Variants in FRMD6 observed in about 807,000 individuals in gnomAD.
FRMD6 encodes the protein FERM domain-containing protein 6.
In FRMD6, 37 loss-of-function variants were observed where a neutral mutation model predicts 73.2. That is an observed-to-expected ratio of 0.51 (90% confidence interval 0.39 to 0.66). The LOEUF is 0.66. Ranked by LOEUF, FRMD6 falls within the 30% of genes least tolerant of loss-of-function variation. FRMD6 has a pLI of 0.00. For synonymous variants in FRMD6, 273 were observed against 282.2 expected (o/e 0.97, Z 0.33); for missense variants, 714 against 780.5 (o/e 0.91, Z 1.02).
rs188437646 is a variant in FRMD6 at position 51,521,505 on chromosome 14, C to G, written c.-210+32085C>G. On this transcript the variant is annotated intron_variant, in intron 1 of 14. Transcript: ENST00000356218. ...ACAATGTACTTAAATCTCTAGAAAA[C>G]ATTTACACATTTATGTCTTTTGTCT... Among the ~76,000 whole-genome samples the G allele has an allele frequency of 3.0e-3, 451 of 151,634 alleles. 2 individuals carry two copies. Among genetic ancestry groups the G allele is most frequent in the African/African-American group, 0.01 (422 of 41,348 alleles).
chr14:51,661,591 A>C (rs1210771342), intron 1 of FRMD6, among the ~76,000 whole-genome samples: 2 of 152,140 alleles, frequency 1.3e-5, no homozygotes, highest in African/African-American at 4.8e-5. Flanking sequence ...ATAGGAAGAA[A>C]ATTAGAAAAA....
At chr14:51,427,600 C>T in the FRMD6 span, among the ~76,000 whole-genome samples, 6 of 152,208 alleles carry the variant, frequency 3.9e-5, no homozygotes, top group African/African-American at 1.4e-4. Context: ...TCATGGGTCA[C>T]GTGTTGGCTA....
intron 2 of FRMD6, among the ~76,000 whole-genome samples, chr14:51,633,544 T>C (rs1183482393): frequency 7.9e-6 from 1 of 125,972 alleles, no homozygotes; most frequent in Non-Finnish European, 1.5e-5. Flanking sequence ...GAGACTGCAG[T>C]GAGCTAAGAT....
At chr14:51,434,811 A>G in the FRMD6 span, among the ~76,000 whole-genome samples, 1 of 152,318 alleles carries the variant, frequency 6.6e-6, no homozygotes, top group East Asian at 1.9e-4. Flanking sequence ...CCAAGTCATC[A>G]AAGTTAATAT....
intron 1 of FRMD6, among the ~76,000 whole-genome samples, chr14:51,540,353 C>T (rs533581595): frequency 6.6e-6 from 1 of 152,236 alleles, no homozygotes; most frequent in East Asian, 1.9e-4. Flanking sequence ...ATATTTTTCA[C>T]TTTGATGTAT....
At chr14:51,596,118 G>T (rs1401423410) in intron 2 of FRMD6, among the ~76,000 whole-genome samples, 1 of 152,178 alleles carries the variant, frequency 6.6e-6, no homozygotes, top group East Asian at 1.9e-4. Flanking sequence ...AACAGCAAAA[G>T]ACACAGCCTG....
At chr14:51,586,525 T>C (rs1423860942) in intron 2 of FRMD6, among the ~76,000 whole-genome samples, 3 of 152,184 alleles carry the variant, frequency 2.0e-5, no homozygotes, top group Admixed American at 1.3e-4. Flanking sequence ...CATACTGTAG[T>C]CCGTCTACTC....
Position 51,701,107 on chromosome 14 carries a change from C to G in FRMD6, c.242C>G (p.Pro81Arg). The G allele has an allele frequency of 6.3e-7, 1 of 1,576,164 alleles. No individual in the cohort carries two copies. Among genetic ancestry groups the G allele is most frequent in the Non-Finnish European group, 8.6e-7 (1 of 1,157,802 alleles). Residue 81 changes from proline to arginine, a missense_variant, in exon 4 of 14, where the codon CCA becomes CGA. Transcript: ENST00000344768. ...ELSQKLYKYC[P>R]KEWKKEASKV... Reference sequence around the variant, plus strand: ...TCACAAAAGCTTTACAAATATTGTCCAAAAGAATGGAAGAAAGAGGCCAGC... The same window carrying G: ...TCACAAAAGCTTTACAAATATTGTCGAAAAGAATGGAAGAAAGAGGCCAGC...
intron 2 of FRMD6, among the ~76,000 whole-genome samples, chr14:51,693,173 T>C (rs1004849813): frequency 2.0e-5 from 3 of 152,240 alleles, no homozygotes; most frequent in Non-Finnish European, 4.4e-5. Context: ...AAGTTAATTA[T>C]ACCTCTTCCA....
intron 2 of FRMD6, among the ~76,000 whole-genome samples, chr14:51,611,895 G>A (rs1184836350): frequency 6.6e-6 from 1 of 152,146 alleles, no homozygotes; most frequent in East Asian, 1.9e-4. Flanking sequence ...AGCGATAATG[G>A]GGGAATGCTT....
upstream of FRMD6, chr14:51,649,536 T>G (rs181933076): frequency 6.6e-6 from 1 of 152,238 alleles, no homozygotes; most frequent in African/African-American, 2.4e-5. Context: ...TAGTGATATA[T>G]TATTCATTTA....
chr14:51,596,394 G>A (rs1360152955), intron 2 of FRMD6, among the ~76,000 whole-genome samples: 4 of 152,020 alleles, frequency 2.6e-5, no homozygotes, highest in Non-Finnish European at 4.4e-5. Context: ...AGGTTGGGAG[G>A]TGATTTAAAT....
the FRMD6 span, among the ~76,000 whole-genome samples, chr14:51,483,484 G>T: frequency 6.6e-6 from 1 of 152,348 alleles, no homozygotes; most frequent in Non-Finnish European, 1.5e-5. Flanking sequence ...TGGAGGAAGG[G>T]CATTCCAGGC....
the FRMD6 span, among the ~76,000 whole-genome samples, chr14:51,408,255 G>A: frequency 2.3e-4 from 35 of 151,558 alleles, no homozygotes; most frequent in Non-Finnish European, 3.8e-4. Flanking sequence ...CTCCTCCTAA[G>A]CTCGGGTGAT....
Position 51,679,297 on chromosome 14 carries a change from C to CAT in FRMD6, c.-146-10393_-146-10392insTA, listed in dbSNP as rs1474604244. On this transcript the variant is annotated intron_variant, in intron 1 of 13. Coordinates refer to ENST00000344768, the MANE Select transcript of FRMD6 (RefSeq NM_001267046.2). ...TACTAAGATTATATAAAAATATACA[C>CAT]ACGTGTATAGATGTATATATTTGCT... Among the ~76,000 whole-genome samples the CAT allele has an allele frequency of 1.7e-3, 11 of 6,438 alleles. No individual in the cohort carries two copies. The South Asian group carries it at 0.041, about 24-fold the overall frequency. The allele number at this position is 6,438 out of a possible 152,430, so 4.2% of individuals were successfully genotyped here. A position where few individuals can be genotyped will look rare whatever the true frequency, so the allele number is the denominator to read the frequency against.
At chr14:51,401,997 G>T in the FRMD6 span, among the ~76,000 whole-genome samples, 8 of 152,190 alleles carry the variant, frequency 5.3e-5, no homozygotes, top group African/African-American at 1.9e-4. Flanking sequence ...AAGGAACTGG[G>T]CCAAAACGAG....
intron 1 of FRMD6, among the ~76,000 whole-genome samples, chr14:51,541,281 T>C (rs1886188240): frequency 6.6e-6 from 1 of 152,144 alleles, no homozygotes; most frequent in African/African-American, 2.4e-5. Flanking sequence ...TTTTCTTAGA[T>C]TTCCTCTATT....
chr14:51,578,671 G>C (rs1334244023), intron 2 of FRMD6, among the ~76,000 whole-genome samples: 1 of 152,180 alleles, frequency 6.6e-6, no homozygotes, highest in East Asian at 1.9e-4. Flanking sequence ...ACTATGCTGT[G>C]TACTTTCAGA....
At chr14:51,486,027 CT>C (rs36049787), upstream of FRMD6, among the ~76,000 whole-genome samples, 1,058 of 137,916 alleles carry the variant, frequency 7.7e-3, 8 homozygotes, top group African/African-American at 0.018. Flanking sequence ...ACTTCCTTTT[CT>C]TTTTTTTTTT....
Sources: allele counts gnomAD v4.1 joint callset (sites outside exome capture counted in the v4.1 genomes callset), GRCh38; gene constraint gnomAD v4.1.1; transcripts MANE v1.5; gene names NCBI Gene and HGNC (gene_info 2026-07-23, HGNC 2026-07-21).